Variants in EPHA6 observed in about 807,000 individuals in gnomAD.
EPHA6 encodes EPH receptor A6, also known as ephrin type-A receptor 6.
EPHA6 carries 50 observed loss-of-function variants against 112.0 expected under a neutral mutation model. The observed-to-expected ratio is 0.45, with a 90% confidence interval of 0.36 to 0.56. The LOEUF (loss-of-function observed/expected upper bound fraction) is 0.56, where lower values mean the gene tolerates loss of function less well. Among genes scored for constraint, EPHA6 ranks in the 20% least tolerant of loss-of-function variants. EPHA6 has a pLI of 0.00. For synonymous variants in EPHA6, 529 were observed against 490.7 expected (o/e 1.08, Z -1.03); for missense variants, 1,280 against 1,417.4 (o/e 0.90, Z 1.56).
chr3:96,837,949 T>C (rs2107309213), intron 1 of EPHA6, among the ~76,000 whole-genome samples: 1 of 152,184 alleles, frequency 6.6e-6, no homozygotes, highest in Non-Finnish European at 1.5e-5. Flanking sequence ...TGTACCATGG[T>C]GTTTTGCTTC....
At chr3:96,997,000 C>T (rs1046109462) in intron 3 of EPHA6, among the ~76,000 whole-genome samples, 4 of 152,100 alleles carry the variant, frequency 2.6e-5, no homozygotes, top group Non-Finnish European at 1.5e-5. Context: ...CTTACTGCAG[C>T]TTCTACATCA....
chr3:97,442,882 A>G (rs1357701317), intron 6 of EPHA6, among the ~76,000 whole-genome samples: 1 of 152,126 alleles, frequency 6.6e-6, no homozygotes, highest in East Asian at 1.9e-4. Context: ...CAAATCTAGT[A>G]TTCAAACTTT....
intron 1 of EPHA6, among the ~76,000 whole-genome samples, chr3:96,855,054 T>C (rs1293315131): frequency 1.3e-5 from 2 of 152,118 alleles, no homozygotes; most frequent in African/African-American, 4.8e-5. Context: ...CTTTTTAATG[T>C]CTGGAGACCA....
rs1483766426 is a variant in EPHA6, at chr3:96,990,923, A to G, written c.1114+2930A>G. On this transcript the variant is annotated intron_variant, in intron 3 of 17. Coordinates refer to ENST00000389672, the MANE Select transcript of EPHA6 (RefSeq NM_001080448.3). ...AAAAGTGACCACATATATAATAGGA[A>G]AAGAAAAAATGAGTATATCACTATT... Among the ~76,000 whole-genome samples, 5 of 152,162 alleles carry G rather than the reference A, an allele frequency of 3.3e-5. No homozygotes were observed. In the East Asian group the frequency reaches 9.6e-4, roughly 29 times the overall value.
chr3:97,661,705 T>C (rs184182493), intron 14 of EPHA6, among the ~76,000 whole-genome samples: 256 of 152,318 alleles, frequency 1.7e-3, no homozygotes, highest in Non-Finnish European at 2.6e-3. Context: ...GAAGGAATCC[T>C]GATATTAAAG....
chr3:96,817,517 T>TA, intron 1 of EPHA6, among the ~76,000 whole-genome samples: 1 of 152,012 alleles, frequency 6.6e-6, no homozygotes, highest in African/African-American at 2.4e-5. Context: ...AGTAATATAA[T>TA]TCATATTTAG....
chr3:97,622,927 A>G (rs574074467), intron 13 of EPHA6, among the ~76,000 whole-genome samples: 2 of 148,708 alleles, frequency 1.3e-5, no homozygotes, highest in East Asian at 2.0e-4. Flanking sequence ...ATTCAAGTCC[A>G]TTTTCCATTT....
chr3:97,619,268 A>G (rs1304632297), intron 13 of EPHA6, among the ~76,000 whole-genome samples: 1 of 152,114 alleles, frequency 6.6e-6, no homozygotes, highest in Non-Finnish European at 1.5e-5. Context: ...ATGCCTCAAA[A>G]TAACAAGAGC....
At chr3:97,746,499 T>G (rs1465485835) in intron 16 of EPHA6, among the ~76,000 whole-genome samples, 1 of 151,848 alleles carries the variant, frequency 6.6e-6, no homozygotes, top group Non-Finnish European at 1.5e-5. Context: ...TACACAATTC[T>G]GAGTTACTTT....
chr3:97,549,247 C>T (rs776350033), intron 11 of EPHA6, among the ~76,000 whole-genome samples: 6 of 152,114 alleles, frequency 3.9e-5, no homozygotes, highest in South Asian at 4.1e-4. Flanking sequence ...TTGTTTACAT[C>T]GTATTCTCTT....
intron 14 of EPHA6, among the ~76,000 whole-genome samples, chr3:97,700,553 G>A (rs140123275): frequency 4.3e-4 from 66 of 152,200 alleles, no homozygotes; most frequent in East Asian, 1.2e-3. Context: ...CCATTATTCC[G>A]TAATATTTGT....
At chr3:96,866,619 ATACTT>A (rs1213206235) in intron 1 of EPHA6, among the ~76,000 whole-genome samples, 6 of 151,832 alleles carry the variant, frequency 4.0e-5, no homozygotes, top group East Asian at 1.9e-4. Context: ...TAATTTCTAA[ATACTT>A]TATGCATTTT....
chr3:97,450,627 T>C (rs1257272457), intron 7 of EPHA6, among the ~76,000 whole-genome samples: 1 of 152,078 alleles, frequency 6.6e-6, no homozygotes, highest in Non-Finnish European at 1.5e-5. Context: ...CATTGTACTT[T>C]CAAGACAATT....
chr3:97,482,672 A>G (rs1314523082), intron 9 of EPHA6, among the ~76,000 whole-genome samples: 1 of 152,168 alleles, frequency 6.6e-6, no homozygotes, highest in Non-Finnish European at 1.5e-5. Context: ...TCTAAACTTT[A>G]TTACCTTTTG....
chr3:97,484,174 T>G, intron 10 of EPHA6, 115 bp downstream of exon 10: 1 of 933,218 alleles, frequency 1.1e-6, no homozygotes, highest in Non-Finnish European at 1.5e-6. Flanking sequence ...TTTTAACAAG[T>G]GAGAAGTAAA....
chr3:97,411,615 A>C (rs1251870831), intron 6 of EPHA6, among the ~76,000 whole-genome samples: 1 of 152,074 alleles, frequency 6.6e-6, no homozygotes, highest in African/African-American at 2.4e-5. Context: ...CTTCATTTAC[A>C]CTTTTGAATA....
intron 5 of EPHA6, among the ~76,000 whole-genome samples, chr3:97,282,219 G>C (rs376842745): frequency 6.6e-6 from 1 of 152,108 alleles, no homozygotes; most frequent in South Asian, 2.1e-4. Flanking sequence ...AATATGTACA[G>C]AGAAATGTAA....
At chr3:97,668,809 A>T (rs1383163092) in intron 14 of EPHA6, among the ~76,000 whole-genome samples, 1 of 143,904 alleles carries the variant, frequency 6.9e-6, no homozygotes, top group Non-Finnish European at 1.5e-5. Context: ...AGCTCTCGGG[A>T]GGCTGAGGCA....
At chr3:97,667,667 A>C (rs2030290825) in intron 14 of EPHA6, among the ~76,000 whole-genome samples, 1 of 152,200 alleles carries the variant, frequency 6.6e-6, no homozygotes, top group South Asian at 2.1e-4. Context: ...AAATAAGAAA[A>C]AGTATACTTT....
Sources: allele counts gnomAD v4.1 joint callset (sites outside exome capture counted in the v4.1 genomes callset), GRCh38; gene constraint gnomAD v4.1.1; transcripts MANE v1.5; gene names NCBI Gene and HGNC (gene_info 2026-07-23, HGNC 2026-07-21).